The following TTC27 variants were observed in gnomAD, a reference collection of about 807,000 sequenced individuals.
TTC27 encodes the protein tetratricopeptide repeat protein 27.
Under a neutral mutation model 115.9 loss-of-function variants are expected in TTC27, and 79 were observed. The observed-to-expected ratio is 0.68, with a 90% CI of 0.57 to 0.82. The LOEUF (loss-of-function observed/expected upper bound fraction) is 0.82, where lower values mean the gene tolerates loss of function less well. Ranked by LOEUF, TTC27 falls within the 40% of genes least tolerant of loss-of-function variation. TTC27 has a pLI of 0.00. For synonymous variants in TTC27, 401 were observed against 356.0 expected (o/e 1.13, Z -1.42); for missense variants, 1,054 against 993.1 (o/e 1.06, Z -0.82).
At chr2:32,776,797 CG>C (rs1670010061) in intron 13 of TTC27, among the ~76,000 whole-genome samples, 1 of 151,962 alleles carries the variant, frequency 6.6e-6, no homozygotes, top group Non-Finnish European at 1.5e-5. Context: ...TTAGTTGAGA[CG>C]GGGGCTTCAC....
At chr2:32,661,703 T>A (rs1665554831) in intron 5 of TTC27, among the ~76,000 whole-genome samples, 1 of 152,196 alleles carries the variant, frequency 6.6e-6, no homozygotes. Flanking sequence ...TACGATAATG[T>A]CATGTGCAAA....
intron 12 of TTC27, among the ~76,000 whole-genome samples, chr2:32,742,438 A>T (rs1362758120): frequency 1.3e-5 from 2 of 152,264 alleles, no homozygotes. Flanking sequence ...TAACCTTTAA[A>T]AAAATCAAGC....
chr2:32,714,427 G>C (rs1224457758), intron 10 of TTC27, among the ~76,000 whole-genome samples: 1 of 152,026 alleles, frequency 6.6e-6, no homozygotes, highest in Non-Finnish European at 1.5e-5. Context: ...CAAAGTGCTG[G>C]GATTACAGGC....
chr2:32,815,223 A>ATTTT (rs533493768), intron 18 of TTC27, among the ~76,000 whole-genome samples: 3,758 of 55,490 alleles, frequency 0.068, 994 homozygotes, highest in Non-Finnish European at 0.085. Flanking sequence ...GCTGCTTCAG[A>ATTTT]TTTTTTTTTT....
chr2:32,773,226 C>A (rs1315345637), intron 13 of TTC27, among the ~76,000 whole-genome samples: 6 of 152,172 alleles, frequency 3.9e-5, no homozygotes. Context: ...ATACAGCCAG[C>A]TTGCCTTCAC....
At chr2:32,649,854 T>C (rs1376670855) in intron 4 of TTC27, among the ~76,000 whole-genome samples, 2 of 151,904 alleles carry the variant, frequency 1.3e-5, no homozygotes, top group African/African-American at 4.8e-5. Flanking sequence ...ACAACATATA[T>C]TTTAAAGGAG....
At chr2:32,653,616 AAC>A (rs1479763628) in intron 5 of TTC27, among the ~76,000 whole-genome samples, 4 of 152,094 alleles carry the variant, frequency 2.6e-5, no homozygotes, top group East Asian at 3.9e-4. Flanking sequence ...ACAAAAAAAA[AAC>A]AGTCTTTTGG....
At chr2:32,664,951 G>C (rs1398706943) in intron 6 of TTC27, among the ~76,000 whole-genome samples, 2 of 151,816 alleles carry the variant, frequency 1.3e-5, no homozygotes, top group Admixed American at 1.3e-4. Flanking sequence ...TCCTGCCTGA[G>C]CCTCCCTAGT....
At chr2:32,666,205 A>G (rs1665768835) in intron 6 of TTC27, among the ~76,000 whole-genome samples, 2 of 152,212 alleles carry the variant, frequency 1.3e-5, no homozygotes, top group African/African-American at 4.8e-5. Flanking sequence ...AACTGTTGAT[A>G]TAGAACCAAA....
At chr2:32,653,774 G>T (rs368290569) in intron 5 of TTC27, among the ~76,000 whole-genome samples, 269 of 152,164 alleles carry the variant, frequency 1.8e-3, no homozygotes, top group Non-Finnish European at 3.3e-3. Context: ...AAATAATCTC[G>T]TGAGAAGAGA....
intron 16 of TTC27, among the ~76,000 whole-genome samples, chr2:32,796,120 C>T (rs1448726167): frequency 6.6e-6 from 1 of 152,076 alleles, no homozygotes; most frequent in Non-Finnish European, 1.5e-5. Context: ...TAGCAGGATG[C>T]AAAGTCAGCA....
Position 32,628,101 on chromosome 2 carries a change from G to GGT in TTC27, c.-192_-191insGT. 1 of 564,156 alleles carries GGT rather than the reference G, an allele frequency of 1.8e-6. No individual in the cohort carries two copies. Among genetic ancestry groups the GGT allele is most frequent in the South Asian group, 2.1e-5 (1 of 48,018 alleles). 34.9% of individuals were successfully genotyped at this position (564,156 alleles called of 1,614,324 possible). On this transcript the variant is annotated 5_prime_UTR_variant, in exon 1 of 20. Coordinates refer to ENST00000317907, the MANE Select transcript of TTC27 (RefSeq NM_017735.5). ...AGAGCGTGCGTGTTTTTCCCAGGGT[G>GGT]CCCCGCGCTGCTGTTATGGCCGCCT...
chr2:32,743,732 A>G (rs995469661), intron 12 of TTC27, among the ~76,000 whole-genome samples: 18 of 152,122 alleles, frequency 1.2e-4, no homozygotes, highest in African/African-American at 4.1e-4. Flanking sequence ...AGTTCTCATC[A>G]TTTGGTTAGA....
chr2:32,754,351 C>T (rs917461232), intron 12 of TTC27, among the ~76,000 whole-genome samples: 5 of 148,894 alleles, frequency 3.4e-5, no homozygotes, highest in Non-Finnish European at 7.4e-5. Context: ...TGACTCTTAA[C>T]GAGCATGCTG....
Position 32,730,873 on chromosome 2 carries a change from C to T in TTC27, c.1234-2955C>T, listed in dbSNP as rs535679351. On this transcript the variant is annotated intron_variant, in intron 10 of 19. Transcript: ENST00000317907. ...CTCACCTTAAGTGATCCTCCCACCT[C>T]GGCCTCCCAAAGTGCTGGGATTACA... Among the ~76,000 whole-genome samples, 19 of 152,158 alleles carry T rather than the reference C, an allele frequency of 1.2e-4. 1 individual carries two copies. The highest frequency in any genetic ancestry group is 3.9e-4 in the East Asian group (2 of 5,152).
At chr2:32,663,979 G>C (rs934087832) in intron 5 of TTC27, among the ~76,000 whole-genome samples, 1 of 148,370 alleles carries the variant, frequency 6.7e-6, no homozygotes, top group Non-Finnish European at 1.5e-5. Flanking sequence ...CACTGCGCCC[G>C]TCCCCCCACT....
chr2:32,683,508 A>G (rs1014719477), intron 9 of TTC27, among the ~76,000 whole-genome samples: 4 of 152,190 alleles, frequency 2.6e-5, no homozygotes, highest in Non-Finnish European at 4.4e-5. Context: ...TTGGTGCAGC[A>G]GGTTGAAATA....
chr2:32,660,495 G>A (rs1665504130), intron 5 of TTC27, among the ~76,000 whole-genome samples: 2 of 151,540 alleles, frequency 1.3e-5, no homozygotes, highest in Admixed American at 6.6e-5. Flanking sequence ...ACTAACACAG[G>A]AACAGAAAAC....
intron 12 of TTC27, among the ~76,000 whole-genome samples, chr2:32,746,710 C>G (rs1668845000): frequency 6.6e-6 from 1 of 152,028 alleles, no homozygotes. Flanking sequence ...TATGTAGGCC[C>G]TGGTACTTTA....
Sources: gnomAD v4.1 joint callset for allele counts (sites outside exome capture counted in the v4.1 genomes callset) on GRCh38, gnomAD v4.1.1 for gene constraint, MANE v1.5 for transcripts, NCBI Gene and HGNC (gene_info 2026-07-23, HGNC 2026-07-21) for gene names.